MACROD2: variants seen among roughly 807,000 people sequenced by gnomAD.
The protein encoded by MACROD2 is mono-ADP ribosylhydrolase 2, also known as ADP-ribose glycohydrolase MACROD2.
A neutral mutation model predicts 70.4 loss-of-function variants in MACROD2; 36 were observed. That is an observed-to-expected ratio of 0.51 (90% CI 0.39 to 0.68). MACROD2 has a LOEUF of 0.68. Ranked by LOEUF, MACROD2 falls within the 30% of genes least tolerant of loss-of-function variation. The pLI is 0.00. For missense variants in MACROD2, 496 were observed against 538.4 expected (o/e 0.92, Z 0.78); for synonymous variants, 172 against 178.8 (o/e 0.96, Z 0.30).
chr20:15,312,484 A>G (rs973993990), intron 6 of MACROD2, among the ~76,000 whole-genome samples: 1 of 152,184 alleles, frequency 6.6e-6, no homozygotes, highest in Non-Finnish European at 1.5e-5. Flanking sequence ...GCTTTGTGAT[A>G]GGCACAGAAT....
intron 8 of MACROD2, among the ~76,000 whole-genome samples, chr20:15,801,919 T>C (rs1486092601): frequency 1.3e-5 from 2 of 152,180 alleles, no homozygotes; most frequent in Non-Finnish European, 2.9e-5. Flanking sequence ...TTTAACATTC[T>C]TGGTTAAATT....
intron 5 of MACROD2, among the ~76,000 whole-genome samples, chr20:14,977,330 G>A (rs1236548351): frequency 7.0e-6 from 1 of 142,402 alleles, no homozygotes; most frequent in Non-Finnish European, 1.5e-5. Context: ...AATCACTGTA[G>A]CACCCAACTT....
intron 6 of MACROD2, among the ~76,000 whole-genome samples, chr20:15,392,677 T>G (rs902478822): frequency 1.3e-5 from 2 of 152,070 alleles, no homozygotes; most frequent in Non-Finnish European, 2.9e-5. Context: ...CTTCCTTCCC[T>G]CTATTTCTCC....
intron 5 of MACROD2, among the ~76,000 whole-genome samples, chr20:14,994,729 A>T (rs960069647): frequency 1.3e-5 from 2 of 152,230 alleles, no homozygotes; most frequent in African/African-American, 4.8e-5. Context: ...TTATGATTTG[A>T]ACTTCATGCA....
At chr20:14,878,055 A>G (rs1466177337) in intron 5 of MACROD2, among the ~76,000 whole-genome samples, 2 of 152,016 alleles carry the variant, frequency 1.3e-5, no homozygotes, top group East Asian at 3.9e-4. Context: ...CTTCTTTTGT[A>G]CACAACTTTA....
chr20:14,296,038 A>G (rs1418338554), intron 3 of MACROD2, among the ~76,000 whole-genome samples: 1 of 151,834 alleles, frequency 6.6e-6, no homozygotes, highest in Non-Finnish European at 1.5e-5. Flanking sequence ...TCGTCTATCT[A>G]TATGGAAACC....
intron 3 of MACROD2, among the ~76,000 whole-genome samples, chr20:14,092,421 C>A (rs1404931283): frequency 6.6e-6 from 1 of 152,060 alleles, no homozygotes; most frequent in Non-Finnish European, 1.5e-5. Context: ...TTGATATATA[C>A]TGAAATATAC....
intron 3 of MACROD2, among the ~76,000 whole-genome samples, chr20:14,487,419 T>C (rs2084748221): frequency 2.6e-5 from 4 of 152,038 alleles, no homozygotes; most frequent in Admixed American, 2.6e-4. Context: ...TAATTTGGAG[T>C]TTAAGGAACT....
intron 5 of MACROD2, among the ~76,000 whole-genome samples, chr20:15,210,994 G>A (rs745785339): frequency 1.3e-5 from 2 of 152,136 alleles, no homozygotes; most frequent in African/African-American, 2.4e-5. Flanking sequence ...CAATTCAGTG[G>A]TGTTGGCACA....
intron 3 of MACROD2, among the ~76,000 whole-genome samples, chr20:14,252,526 T>G (rs2082021569): frequency 6.6e-6 from 1 of 152,032 alleles, no homozygotes; most frequent in Admixed American, 6.6e-5. Flanking sequence ...TATTTATATA[T>G]TTTTTGGTCT....
chr20:14,889,099 GA>G (rs1297367876), intron 5 of MACROD2, among the ~76,000 whole-genome samples: 1 of 152,080 alleles, frequency 6.6e-6, no homozygotes, highest in Non-Finnish European at 1.5e-5. Flanking sequence ...AGTATGAATA[GA>G]AACAATTTTT....
intron 4 of MACROD2, among the ~76,000 whole-genome samples, chr20:14,503,813 T>G (rs1297207770): frequency 6.6e-6 from 1 of 152,202 alleles, no homozygotes; most frequent in Non-Finnish European, 1.5e-5. Context: ...CAGGGTCAGC[T>G]TTGCAGAACA....
intron 15 of MACROD2, among the ~76,000 whole-genome samples, chr20:16,015,451 A>G (rs1254093971): frequency 6.6e-6 from 1 of 152,178 alleles, no homozygotes; most frequent in Non-Finnish European, 1.5e-5. Flanking sequence ...ATCCACTTTA[A>G]ACAAAAGGAG....
At chr20:14,066,496 A>G (rs900919385) in intron 2 of MACROD2, among the ~76,000 whole-genome samples, 6 of 152,206 alleles carry the variant, frequency 3.9e-5, no homozygotes, top group African/African-American at 1.4e-4. Flanking sequence ...ATTTTAAAAC[A>G]TTTTATTTTT....
rs183904729 is a variant in MACROD2, at chr20:15,348,361, G to A, written c.541-83044G>A. Among the ~76,000 whole-genome samples, 414 of 152,232 alleles carry A rather than the reference G, an allele frequency of 2.7e-3. 4 individuals are homozygous for A. Among genetic ancestry groups the A allele is most frequent in the Non-Finnish European group, 4.7e-3 (320 of 68,012 alleles). On this transcript the variant is annotated intron_variant, in intron 6 of 17. Transcript: ENST00000684519. The stretch of plus-strand genomic sequence containing the variant: ...TAGCATTGTTGTAATAATGCAAGAG[G>A]TAAACTTGTACTGTATTAAGCCTCT...
rs1223038135 is a variant in MACROD2, at chr20:14,973,225, C to CTTTTTTT, written c.419-256697_419-256691dup. On this transcript the variant is annotated intron_variant, in intron 5 of 17. Transcript: ENST00000684519. ...AGAGTGCCTAAGAGGTGAGTAGTTG[C>CTTTTTTT]TTTTTTTTTTTTTTTTTTTTTTTTG... is the stretch of plus-strand genomic sequence containing the variant. Among the ~76,000 whole-genome samples the CTTTTTTT allele has an allele frequency of 5.9e-4, 51 of 85,730 alleles. 1 individual carries two copies. Among genetic ancestry groups the CTTTTTTT allele is most frequent in the Admixed American group, 9.6e-4 (7 of 7,322 alleles). The allele number at this position is 85,730 out of a possible 152,430, so 56.2% of individuals were successfully genotyped here.
intron 3 of MACROD2, among the ~76,000 whole-genome samples, chr20:14,374,718 G>A (rs1325980764): frequency 6.6e-6 from 1 of 152,014 alleles, no homozygotes; most frequent in African/African-American, 2.4e-5. Context: ...ACACTTTTCT[G>A]CACGTCTGTG....
chr20:15,933,601 C>T (rs550141446), intron 11 of MACROD2, among the ~76,000 whole-genome samples: 29 of 152,090 alleles, frequency 1.9e-4, no homozygotes, highest in Non-Finnish European at 3.5e-4. Context: ...CTAAGAGGGA[C>T]GGGCGGAGGT....
At chr20:14,759,192 C>T (rs982735673) in intron 5 of MACROD2, among the ~76,000 whole-genome samples, 19 of 152,004 alleles carry the variant, frequency 1.2e-4, no homozygotes, top group Non-Finnish European at 7.4e-5. Flanking sequence ...TTTGATATGC[C>T]ATTAGACGTA....
Sources: allele counts gnomAD v4.1 joint callset (sites outside exome capture counted in the v4.1 genomes callset), GRCh38; gene constraint gnomAD v4.1.1; transcripts MANE v1.5; gene names NCBI Gene and HGNC (gene_info 2026-07-23, HGNC 2026-07-21).